CPAP: variants seen among roughly 807,000 people sequenced by gnomAD.
CPAP encodes the protein centrosomal P4.1-associated protein.
At chr13:24,888,771 T>C in the CPAP span, among the ~76,000 whole-genome samples, 1,641 of 152,296 alleles carry the variant, frequency 0.011, 37 homozygotes, top group African/African-American at 0.036. Flanking sequence ...CAATGCAATC[T>C]ACATAGCTAT....
the CPAP span, among the ~76,000 whole-genome samples, chr13:24,923,990 G>A: frequency 6.6e-6 from 1 of 152,030 alleles, no homozygotes; most frequent in Non-Finnish European, 1.5e-5. Context: ...CACCACGCCT[G>A]GCTAATTTTT....
At chr13:24,907,317 C>T in the CPAP span, 1 of 748,704 alleles carries the variant, frequency 1.3e-6, no homozygotes, top group South Asian at 1.5e-5. Flanking sequence ...ATCAGTGCCT[C>T]CCTTTGAGAA....
chr13:24,893,195 A>C, the CPAP span, among the ~76,000 whole-genome samples: 1 of 152,254 alleles, frequency 6.6e-6, no homozygotes, highest in Non-Finnish European at 1.5e-5. Flanking sequence ...GGGAGATCCC[A>C]AAAAGAAGAA....
chr13:24,908,215 A>T, the CPAP span: 5 of 877,228 alleles, frequency 5.7e-6, no homozygotes, highest in South Asian at 1.4e-5. Flanking sequence ...ATGCTAAAAC[A>T]TTTTTTTAAT....
At chr13:24,884,279 C>T in the CPAP span, 1 of 1,614,092 alleles carries the variant, frequency 6.2e-7, no homozygotes, top group Non-Finnish European at 8.5e-7. Flanking sequence ...GCCTTTTCTC[C>T]AGAGATGGTT....
the CPAP span, chr13:24,882,381 T>A: frequency 1.3e-5 from 2 of 152,018 alleles, no homozygotes; most frequent in African/African-American, 4.8e-5. Flanking sequence ...GTAAGGTCTA[T>A]CTAGACCAAT....
At chr13:24,897,213 G>T in the CPAP span, among the ~76,000 whole-genome samples, 1 of 152,152 alleles carries the variant, frequency 6.6e-6, no homozygotes, top group Admixed American at 6.5e-5. Context: ...CTGCACTCCA[G>T]TCTGGGCCAC....
chr13:24,889,906 G>A, the CPAP span, among the ~76,000 whole-genome samples: 2 of 151,836 alleles, frequency 1.3e-5, no homozygotes, highest in East Asian at 1.9e-4. Context: ...CGCCATGTCC[G>A]TCCCTGCCAG....
At chr13:24,913,864 T>G in the CPAP span, among the ~76,000 whole-genome samples, 1 of 152,354 alleles carries the variant, frequency 6.6e-6, no homozygotes, top group Admixed American at 6.5e-5. Context: ...AAATTCCTAC[T>G]GTAACTTTGC....
the CPAP span, chr13:24,912,956 G>T: frequency 6.2e-7 from 1 of 1,614,124 alleles, no homozygotes; most frequent in East Asian, 2.2e-5. Flanking sequence ...GCCCGAGAAG[G>T]ATTGGTCATC....
At chr13:24,914,892 G>A in the CPAP span, among the ~76,000 whole-genome samples, 1 of 152,056 alleles carries the variant, frequency 6.6e-6, no homozygotes, top group Non-Finnish European at 1.5e-5. Context: ...GGCCAAGATG[G>A]TGAAACCCCG....
At chr13:24,906,191 G>A in the CPAP span, 8 of 1,613,648 alleles carry the variant, frequency 5.0e-6, no homozygotes, top group Non-Finnish European at 6.8e-6. Context: ...TTTGACAGGG[G>A]TGGAAGACAT....
the CPAP span, among the ~76,000 whole-genome samples, chr13:24,900,341 AAGG>A: frequency 1.3e-5 from 2 of 152,178 alleles, no homozygotes; most frequent in Non-Finnish European, 2.9e-5. Flanking sequence ...GGTGTCAAAA[AAGG>A]AGGAGACAGG....
chr13:24,905,095 G>T, the CPAP span, among the ~76,000 whole-genome samples: 1 of 152,130 alleles, frequency 6.6e-6, no homozygotes, highest in Non-Finnish European at 1.5e-5. Context: ...CTAGGAAGGG[G>T]TACTTGAACC....
At chr13:24,886,035 A>G in the CPAP span, 1 of 371,796 alleles carries the variant, frequency 2.7e-6, no homozygotes, top group South Asian at 2.2e-5. Context: ...TAGTTAAAAC[A>G]TAAATGCCCT....
the CPAP span, among the ~76,000 whole-genome samples, chr13:24,897,575 T>A: frequency 6.6e-6 from 1 of 152,152 alleles, no homozygotes; most frequent in African/African-American, 2.4e-5. Context: ...ACATAGTGCT[T>A]AGGTGAGTAA....
At chr13:24,896,663 T>C in the CPAP span, among the ~76,000 whole-genome samples, 1 of 152,246 alleles carries the variant, frequency 6.6e-6, no homozygotes, top group South Asian at 2.1e-4. Context: ...TTGCTCTGGT[T>C]TGAATCCTTG....
At chr13:24,890,965 G>A in the CPAP span, among the ~76,000 whole-genome samples, 8 of 151,178 alleles carry the variant, frequency 5.3e-5, no homozygotes, top group East Asian at 3.9e-4. Context: ...TAATTTTACC[G>A]TCTTAAAAAA....
At chr13:24,910,309 C>T in the CPAP span, among the ~76,000 whole-genome samples, 1 of 152,196 alleles carries the variant, frequency 6.6e-6, no homozygotes, top group Non-Finnish European at 1.5e-5. Flanking sequence ...CTGCAACCTC[C>T]ACCTCTTGGG....
Sources: allele counts gnomAD v4.1 joint callset (sites outside exome capture counted in the v4.1 genomes callset), GRCh38; gene constraint gnomAD v4.1.1; transcripts MANE v1.5; gene names NCBI Gene and HGNC (gene_info 2026-07-23, HGNC 2026-07-21).